Variants in TENT4A observed in about 807,000 individuals in gnomAD.
The protein encoded by TENT4A is terminal nucleotidyltransferase 4A, also known as DNA polymerase kappa.
In TENT4A, 7 loss-of-function variants were observed where a neutral mutation model predicts 72.8. That is an observed-to-expected ratio of 0.10 (90% CI 0.05 to 0.18). The LOEUF (loss-of-function observed/expected upper bound fraction) is 0.18, where lower values mean the gene tolerates loss of function less well. TENT4A is among the 10% of genes least tolerant of loss of function. TENT4A has a pLI of 1.00. For synonymous variants in TENT4A, 456 were observed against 434.3 expected, an observed-to-expected ratio of 1.05 and a Z score of -0.62; for missense variants, 831 against 1,017.7, an observed-to-expected ratio of 0.82 and a Z score of 2.50.
intron 4 of TENT4A, among the ~76,000 whole-genome samples, chr5:6,740,655 C>T (rs1165246245): frequency 6.6e-6 from 1 of 152,182 alleles, no homozygotes; most frequent in Non-Finnish European, 1.5e-5. Flanking sequence ...ATGATATATG[C>T]ACTGAAAAGT....
In TENT4A at chr5:6,713,538, G is replaced by T; in HGVS notation, c.-446G>T. 6.8e-6 allele frequency: 1 copy of T among 147,946 alleles called. No homozygotes were observed. The highest frequency in any genetic ancestry group is 1.9e-4 in the South Asian group (1 of 5,282). The allele number at this position is 147,946 out of a possible 1,614,324, so 9.2% of individuals were successfully genotyped here. On this transcript the variant is annotated 5_prime_UTR_variant, in exon 1 of 13. Transcript: ENST00000230859. ...GAGCGTGACTGAGGGCTAGCCGCAC[G>T]GGCGGCGGCGCCTCCCGCGGGTCCT...
chr5:6,744,740 C>T (rs893008699), intron 6 of TENT4A, among the ~76,000 whole-genome samples: 3 of 152,342 alleles, frequency 2.0e-5, no homozygotes, highest in Admixed American at 2.0e-4. Context: ...TCACACTGTC[C>T]TGTCTTCACT....
rs775083489 is a variant in TENT4A at position 6,737,600 on chromosome 5, A to G, written c.807A>G (p.Glu269=). The change falls in exon 2 of 13, where the codon GAA becomes GAG. Residue 269 remains glutamate (E), a synonymous_variant. Transcript: ENST00000230859. ...AMRREVVKRI[E]TVVKDLWPTA... is the part of the protein sequence containing the mutation. ...GAAGAGAGGTGGTGAAACGGATCGA[A>G]ACTGTGGTGAAAGACCTTTGGCCGA... 3 of 1,614,086 alleles carry G rather than the reference A, an allele frequency of 1.9e-6. No individual in the cohort carries two copies. Among genetic ancestry groups the G allele is most frequent in the Non-Finnish European group, 2.5e-6 (3 of 1,180,032 alleles).
Position 6,750,131 on chromosome 5 carries a change from A to G in TENT4A, c.1688-200A>G, listed in dbSNP as rs537477357. The stretch of plus-strand genomic sequence containing the variant: ...CAGTTGAAGATGATTTGCATACCCA[A>G]GTTATTACAAACATGTTTAATGTTT... On this transcript the variant is annotated intron_variant, in intron 9 of 12. Transcript: ENST00000230859. Among the ~76,000 whole-genome samples the G allele has an allele frequency of 2.6e-5, 4 of 152,366 alleles. No individual in the cohort carries two copies. The South Asian group carries it at 8.3e-4, about 32-fold the overall frequency.
intron 4 of TENT4A, 47 bp from the exon 5 acceptor site, chr5:6,742,443 G>A: frequency 5.8e-6 from 7 of 1,204,324 alleles, no homozygotes; most frequent in Non-Finnish European, 8.7e-6. Context: ...GCCTGGCTGT[G>A]GAGAGTCCTG....
rs1261839912 is a variant in TENT4A, at chr5:6,739,677, A to C, written c.888-55A>C. On this transcript the variant is annotated intron_variant, in intron 3 of 12. Transcript: ENST00000230859. Reference sequence around the variant, plus strand: ...CCTTGGTGCTTATCCTCCCCACACGAGTGTGTAGGCTGTGGCGAGGGGAGC... The same window carrying C: ...CCTTGGTGCTTATCCTCCCCACACGCGTGTGTAGGCTGTGGCGAGGGGAGC... The C allele has an allele frequency of 2.5e-6, 4 of 1,600,460 alleles. No homozygotes were observed. The East Asian group carries it at 9.0e-5, about 36-fold the overall frequency.
At chr5:6,748,324 C>CCTGT in intron 7 of TENT4A, 140 bp from the exon 8 acceptor site, 1 of 1,137,268 alleles carries the variant, frequency 8.8e-7, no homozygotes, top group Non-Finnish European at 1.3e-6. Flanking sequence ...ATTGTGTTCG[C>CCTGT]CTGTCTGGGC....
intron 12 of TENT4A, 80 bp from the exon 13 acceptor site, chr5:6,754,671 C>A: frequency 8.7e-7 from 1 of 1,151,884 alleles, no homozygotes; most frequent in Non-Finnish European, 1.2e-6. Context: ...CACGTCGGTG[C>A]TTAGTGTGGT....
chr5:6,749,709 T>G (rs1286788244), intron 9 of TENT4A, 52 bp downstream of exon 9: 9 of 1,155,294 alleles, frequency 7.8e-6, no homozygotes, highest in Non-Finnish European at 1.2e-5. Flanking sequence ...GGCATGTTCA[T>G]GCAGAAGTGT....
intron 6 of TENT4A, chr5:6,745,841 A>G: frequency 5.9e-6 from 2 of 336,216 alleles, no homozygotes; most frequent in Non-Finnish European, 1.1e-5. Flanking sequence ...GTGCTTCAGC[A>G]TAACGAAATT....
At chr5:6,731,933 A>G (rs144996018) in intron 1 of TENT4A, among the ~76,000 whole-genome samples, 20 of 152,144 alleles carry the variant, frequency 1.3e-4, no homozygotes, top group African/African-American at 4.6e-4. Context: ...TTCCAGCCCC[A>G]CTGTTCTTTC....
At chr5:6,733,902 T>G (rs190661904) in intron 1 of TENT4A, among the ~76,000 whole-genome samples, 1 of 152,294 alleles carries the variant, frequency 6.6e-6, no homozygotes, top group East Asian at 1.9e-4. Context: ...ATCCAAAAAA[T>G]GTAAAAATGT....
intron 1 of TENT4A, among the ~76,000 whole-genome samples, chr5:6,732,203 G>A (rs965289995): frequency 6.6e-5 from 10 of 152,178 alleles, no homozygotes; most frequent in African/African-American, 2.2e-4. Flanking sequence ...GCAGTGCACG[G>A]GTGGGCTTGC....
Position 6,754,873 on chromosome 5 carries a change from T to C in TENT4A, c.2307T>C (p.Tyr769=), listed in dbSNP as rs755746663. 6.2e-6 allele frequency: 10 copies of C among 1,607,966 alleles called. No homozygotes were observed. Among genetic ancestry groups the C allele is most frequent in the Middle Eastern group, 3.3e-4 (2 of 6,070 alleles). ...PPVGNRGHHQ[Y]NRTGWRRKKH... ...TGGGCAACAGGGGACACCACCAGTA[T>C]AACCGCACCGGCTGGAGGAGGAAAA... is the stretch of plus-strand genomic sequence containing the variant. The change falls in exon 13 of 13, where the codon TAT becomes TAC. Residue 769 remains tyrosine, a synonymous_variant. Coordinates refer to ENST00000230859, the MANE Select transcript of TENT4A (RefSeq NM_006999.6).
rs543938488 is a variant in TENT4A, at chr5:6,745,407, G to A, written c.1246-807G>A. On this transcript the variant is annotated intron_variant, in intron 6 of 12. Coordinates refer to ENST00000230859, the MANE Select transcript of TENT4A (RefSeq NM_006999.6). ...CATCCCTTTCGAGTTGGCACTGTCC[G>A]ATAGAATTCTGTGATGGTGATGGCC... Among the ~76,000 whole-genome samples the A allele has an allele frequency of 1.1e-4, 17 of 152,288 alleles. No individual in the cohort carries two copies. The South Asian group carries it at 2.7e-3, about 24-fold the overall frequency.
intron 1 of TENT4A, among the ~76,000 whole-genome samples, chr5:6,720,344 T>C (rs754378719): frequency 2.0e-5 from 3 of 152,134 alleles, no homozygotes; most frequent in Non-Finnish European, 2.9e-5. Context: ...TCCCCTGGCA[T>C]AGAATCCGTT....
At chr5:6,754,153 A>G (rs1400022407) in intron 12 of TENT4A, among the ~76,000 whole-genome samples, 3 of 152,222 alleles carry the variant, frequency 2.0e-5, no homozygotes, top group Admixed American at 2.0e-4. Flanking sequence ...TGGGGGAAGA[A>G]CATGACAGGG....
intron 10 of TENT4A, 87 bp from the exon 11 acceptor site, chr5:6,750,952 G>A (rs1005462816): frequency 3.5e-6 from 5 of 1,408,686 alleles, no homozygotes; most frequent in Non-Finnish European, 4.9e-6. Flanking sequence ...CAGCCTGGAT[G>A]CAGGCGTTTC....
At position 6,716,771 on chromosome 5, in the gene TENT4A, A is replaced by G. The variant is rs145212992; in HGVS notation, c.716+2072A>G. Reference sequence around the variant, plus strand: ...ACCTAGCTGTAAGGCAGTATGGTGTAGGGCATGAGAGGGCTCTGAAGCCCA... The same window carrying G: ...ACCTAGCTGTAAGGCAGTATGGTGTGGGGCATGAGAGGGCTCTGAAGCCCA... On this transcript the variant is annotated intron_variant, in intron 1 of 12. Coordinates refer to ENST00000230859, the MANE Select transcript of TENT4A (RefSeq NM_006999.6). Among the ~76,000 whole-genome samples, 99 of 152,340 alleles carry G rather than the reference A, an allele frequency of 6.5e-4. 1 individual carries two copies. The highest frequency in any genetic ancestry group is 2.2e-3 in the African/African-American group (93 of 41,586).
Sources: allele counts gnomAD v4.1 joint callset (sites outside exome capture counted in the v4.1 genomes callset), GRCh38; gene constraint gnomAD v4.1.1; transcripts MANE v1.5; gene names NCBI Gene and HGNC (gene_info 2026-07-23, HGNC 2026-07-21).